Variants in WAC observed in about 807,000 individuals in gnomAD.
WAC encodes the protein WW domain containing adaptor with coiled-coil, also known as WW domain-containing adapter protein with coiled-coil.
Under a neutral mutation model 79.6 loss-of-function variants are expected in WAC, and 11 were observed. The ratio of observed to expected loss-of-function variants is 0.14; its 90% CI spans 0.09 to 0.23. WAC has a LOEUF of 0.23. Among genes scored for constraint, WAC ranks in the 10% least tolerant of loss-of-function variants. The pLI, the probability that WAC is intolerant of heterozygous loss-of-function variation, is 1.00. For missense variants in WAC, 728 were observed against 773.5 expected, an observed-to-expected ratio of 0.94 and a Z score of 0.70; for synonymous variants, 304 against 276.9, an observed-to-expected ratio of 1.10 and a Z score of -0.97.
chr10:28,543,707 C>A (rs1837187431), intron 3 of WAC, among the ~76,000 whole-genome samples: 1 of 152,292 alleles, frequency 6.6e-6, no homozygotes, highest in South Asian at 2.1e-4. Context: ...TTTGTTAGTA[C>A]ACGCTCATTG....
Position 28,619,779 on chromosome 10 carries a change from T to C in WAC, c.*173T>C. On this transcript the variant is annotated 3_prime_UTR_variant, in exon 14 of 14. Coordinates refer to ENST00000354911, the MANE Select transcript of WAC (RefSeq NM_016628.5). ...TCAGGGGAAAGATACAAGATTGATT[T>C]GTAAAACCCTTGAAATGTAGATTTC... 1 of 508,754 alleles carries C rather than the reference T, an allele frequency of 2.0e-6. No homozygotes were observed. Among genetic ancestry groups the C allele is most frequent in the Non-Finnish European group, 3.4e-6 (1 of 290,246 alleles). The allele number at this position is 508,754 out of a possible 1,614,324, so 31.5% of individuals were successfully genotyped here.
intron 6 of WAC, among the ~76,000 whole-genome samples, chr10:28,594,456 G>A (rs1006485114): frequency 6.6e-6 from 1 of 152,308 alleles, no homozygotes; most frequent in East Asian, 1.9e-4. Flanking sequence ...TCATACAACA[G>A]ATGTTTGTAT....
At chr10:28,568,595 G>C (rs1309715663) in intron 3 of WAC, among the ~76,000 whole-genome samples, 1 of 151,928 alleles carries the variant, frequency 6.6e-6, no homozygotes, top group Admixed American at 6.6e-5. Flanking sequence ...TGCACAACGT[G>C]AGGTTTGTTA....
intron 3 of WAC, among the ~76,000 whole-genome samples, chr10:28,543,920 A>T (rs1286960612): frequency 6.6e-6 from 1 of 152,036 alleles, no homozygotes; most frequent in Non-Finnish European, 1.5e-5. Flanking sequence ...GCAGGGTCTT[A>T]CTCTGTCATC....
intron 3 of WAC, among the ~76,000 whole-genome samples, chr10:28,544,463 G>T (rs1837242625): frequency 6.6e-6 from 1 of 152,188 alleles, no homozygotes; most frequent in African/African-American, 2.4e-5. Context: ...ATCCCTGTAG[G>T]ATTGTTGCGG....
At chr10:28,585,161 G>A (rs939345821) in intron 4 of WAC, among the ~76,000 whole-genome samples, 1 of 152,122 alleles carries the variant, frequency 6.6e-6, no homozygotes, top group African/African-American at 2.4e-5. Context: ...GGAACCCTCA[G>A]GTAACACATA....
At chr10:28,577,131 C>T (rs1187650583) in intron 3 of WAC, among the ~76,000 whole-genome samples, 2 of 152,122 alleles carry the variant, frequency 1.3e-5, no homozygotes, top group African/African-American at 4.8e-5. Flanking sequence ...AGAGACAAAA[C>T]CTGGTTAGCT....
At position 28,534,022 on chromosome 10, in the gene WAC, G is replaced by T. The variant is rs1309544145; in HGVS notation, c.66G>T (p.Ser22=). 2.2e-5 allele frequency: 35 copies of T among 1,594,014 alleles called. No individual in the cohort carries two copies. The highest frequency in any genetic ancestry group is 2.9e-5 in the Non-Finnish European group (34 of 1,171,168). Residue 22 remains serine (S), a synonymous_variant, in exon 2 of 14, where the codon TCG becomes TCT. Transcript: ENST00000354911. ...GCTGTCACGACCGGAGGGGGGACTC[G>T]CAGCCTTACCAGGTACCAGCCGAGG... is the stretch of plus-strand genomic sequence containing the variant. ...SDGCHDRRGD[S]QPYQALKYSS...
intron 3 of WAC, among the ~76,000 whole-genome samples, chr10:28,538,581 CAAAAAAA>C (rs34777121): frequency 3.1e-5 from 3 of 98,260 alleles, no homozygotes; most frequent in Admixed American, 1.1e-4. Flanking sequence ...GACCCTGTCT[CAAAAAAA>C]AAAAAAAAAA....
intron 4 of WAC, 115 bp downstream of exon 4, chr10:28,583,620 T>G: frequency 1.4e-6 from 1 of 725,604 alleles, no homozygotes; most frequent in Non-Finnish European, 2.2e-6. Flanking sequence ...TTTAAAAATG[T>G]TTCAATCACA....
intron 3 of WAC, among the ~76,000 whole-genome samples, chr10:28,572,063 G>A (rs992650585): frequency 2.0e-5 from 3 of 152,158 alleles, no homozygotes; most frequent in African/African-American, 7.2e-5. Context: ...TGTTGTCCAG[G>A]CACAGTGGCT....
At chr10:28,554,467 T>A (rs1030546754) in intron 3 of WAC, among the ~76,000 whole-genome samples, 1 of 152,232 alleles carries the variant, frequency 6.6e-6, no homozygotes, top group African/African-American at 2.4e-5. Flanking sequence ...TTGTATTAAC[T>A]TAAGTTCATT....
intron 7 of WAC, among the ~76,000 whole-genome samples, chr10:28,600,050 A>G (rs1025723716): frequency 1.3e-5 from 2 of 152,186 alleles, no homozygotes; most frequent in African/African-American, 2.4e-5. Context: ...ATTGTTTGCT[A>G]TGACCAAGTT....
chr10:28,549,070 T>C (rs1014391902), intron 3 of WAC, among the ~76,000 whole-genome samples: 21 of 152,306 alleles, frequency 1.4e-4, no homozygotes, highest in African/African-American at 3.6e-4. Context: ...GGCTAATTTT[T>C]GCATTTTTTA....
At chr10:28,602,404 A>G (rs1024873983) in intron 7 of WAC, among the ~76,000 whole-genome samples, 6 of 152,222 alleles carry the variant, frequency 3.9e-5, no homozygotes, top group African/African-American at 1.2e-4. Flanking sequence ...TTAAAGTCAC[A>G]GATTTAGGTG....
chr10:28,605,745 C>G (rs748606441), intron 7 of WAC, among the ~76,000 whole-genome samples: 22 of 152,030 alleles, frequency 1.4e-4, no homozygotes, highest in Non-Finnish European at 5.9e-5. Context: ...ATTTTCATGT[C>G]TCGTAGATTT....
intron 3 of WAC, among the ~76,000 whole-genome samples, chr10:28,568,529 C>T (rs1838774956): frequency 1.3e-5 from 2 of 152,138 alleles, no homozygotes; most frequent in Admixed American, 6.5e-5. Context: ...TACAGGCACC[C>T]GCCACCATGC....
intron 3 of WAC, among the ~76,000 whole-genome samples, chr10:28,566,883 A>G (rs1589164990): frequency 6.7e-6 from 1 of 149,364 alleles, no homozygotes; most frequent in African/African-American, 2.4e-5. Flanking sequence ...GTCCTTTTCA[A>G]TCTGCAGATT....
rs116557635 is a variant in WAC at position 28,610,984 on chromosome 10, A to G, written c.1288+163A>G. 563 of 728,454 alleles carry G rather than the reference A, an allele frequency of 7.7e-4. 2 individuals are homozygous for G. In the African/African-American group the frequency reaches 9.2e-3, roughly 12 times the overall value. 45.1% of individuals were successfully genotyped at this position (728,454 alleles called of 1,614,324 possible). On this transcript the variant is annotated intron_variant, in intron 9 of 13. Coordinates refer to ENST00000354911, the MANE Select transcript of WAC (RefSeq NM_016628.5). The stretch of plus-strand genomic sequence containing the variant: ...TTTTTGTAACACTGGCATATACAGT[A>G]GTATTTTTATTTCCTTTCTTTTTAG...
Sources: allele counts gnomAD v4.1 joint callset (sites outside exome capture counted in the v4.1 genomes callset), GRCh38; gene constraint gnomAD v4.1.1; transcripts MANE v1.5; gene names NCBI Gene and HGNC (gene_info 2026-07-23, HGNC 2026-07-21).